Variants in ABCC11 observed in about 807,000 individuals in gnomAD.
ABCC11 encodes ATP-binding cassette sub-family C member 11.
Under a neutral mutation model 149.3 loss-of-function variants are expected in ABCC11, and 135 were observed. That is an observed-to-expected ratio of 0.90 (90% CI 0.79 to 1.04). ABCC11 has a LOEUF of 1.04. Ranked by LOEUF, ABCC11 falls within the 50% of genes least tolerant of loss-of-function variation. The probability of loss-of-function intolerance (pLI) is 0.00; values close to 1 mark genes in which losing one functional copy is unlikely to be tolerated. For synonymous variants in ABCC11, 665 were observed against 671.4 expected, an observed-to-expected ratio of 0.99 and a Z score of 0.15; for missense variants, 1,680 against 1,722.1, an observed-to-expected ratio of 0.98 and a Z score of 0.43.
intron 1 of ABCC11, among the ~76,000 whole-genome samples, chr16:48,233,555 C>T (rs1340810957): frequency 6.6e-6 from 1 of 152,186 alleles, no homozygotes; most frequent in Non-Finnish European, 1.5e-5. Context: ...GGAAGACTGG[C>T]TGCCATGAAC....
intron 1 of ABCC11, among the ~76,000 whole-genome samples, chr16:48,239,833 A>C (rs1970872688): frequency 6.6e-6 from 1 of 152,210 alleles, no homozygotes; most frequent in South Asian, 2.1e-4. Flanking sequence ...AACAAATTTA[A>C]AAACAAACAA....
At chr16:48,179,345 T>C (rs1347539461) in intron 23 of ABCC11, among the ~76,000 whole-genome samples, 1 of 152,150 alleles carries the variant, frequency 6.6e-6, no homozygotes, top group African/African-American at 2.4e-5. Flanking sequence ...CTCTTGGGAA[T>C]TGGGGGCACC....
At chr16:48,218,607 T>C (rs777307831) in intron 6 of ABCC11, among the ~76,000 whole-genome samples, 1 of 152,198 alleles carries the variant, frequency 6.6e-6, no homozygotes, top group Non-Finnish European at 1.5e-5. Context: ...CCCACCCAAA[T>C]CTCATCTTGA....
In ABCC11 at chr16:48,222,744, G is replaced by C. The variant is rs1331026179; in HGVS notation, c.631C>G (p.Leu211Val). Residue 211 changes from leucine to valine, a missense_variant, in exon 6 of 30, where the codon CTC (leucine) becomes GTC (valine). Transcript: ENST00000356608. ...HGVGLCFALF[L>V]SECVKSLSFS... Reference sequence around the variant, plus strand: ...CTCAGAGACTTCACACATTCGGAGAGAAAAAGGGCAAAGCAGAGTCCCACT... The same window carrying C: ...CTCAGAGACTTCACACATTCGGAGACAAAAAGGGCAAAGCAGAGTCCCACT... 1.2e-6 allele frequency: 2 copies of C among 1,614,082 alleles called. No individual in the cohort carries two copies. Among genetic ancestry groups the C allele is most frequent in the Non-Finnish European group, 1.7e-6 (2 of 1,180,034 alleles).
At chr16:48,187,112 G>A in intron 21 of ABCC11, 22 bp from the exon 22 acceptor site, 1 of 1,614,120 alleles carries the variant, frequency 6.2e-7, no homozygotes, top group Non-Finnish European at 8.5e-7. Flanking sequence ...GTGGAGGTAA[G>A]GGACCTGGAC....
At chr16:48,193,308 C>T (rs1001047343) in intron 19 of ABCC11, among the ~76,000 whole-genome samples, 1 of 152,162 alleles carries the variant, frequency 6.6e-6, no homozygotes, top group African/African-American at 2.4e-5. Flanking sequence ...GTACACGATC[C>T]AGAAATTAAC....
chr16:48,196,293 C>T lies in ABCC11; in HGVS notation c.2343G>A (p.Glu781=), dbSNP rs1241904178. 2 of 1,614,148 alleles carry T rather than the reference C, an allele frequency of 1.2e-6. No homozygotes were observed. Among genetic ancestry groups the T allele is most frequent in the South Asian group, 1.1e-5 (1 of 91,074 alleles). The change falls in exon 18 of 30, where the codon GAG becomes GAA. Residue 781 remains glutamate (E), a synonymous_variant. Coordinates refer to ENST00000356608, the MANE Select transcript of ABCC11 (RefSeq NM_001370497.1). ...AACTCAAGGAGCCTTCTTCCATCTCCTCCTCCTGTGTGAGCTGATGCTCCG... is the reference window on the plus strand; with the variant it reads ...AACTCAAGGAGCCTTCTTCCATCTCTTCCTCCTGTGTGAGCTGATGCTCCG... ...AVPEHQLTQE[E]EMEEGSLSWR...
intron 20 of ABCC11, 61 bp from the exon 21 acceptor site, chr16:48,187,488 T>C (rs1966818548): frequency 7.2e-7 from 1 of 1,396,426 alleles, no homozygotes; most frequent in South Asian, 1.2e-5. Flanking sequence ...CAAGATTGGA[T>C]GAAGATGCCT....
At chr16:48,177,361 G>A (rs1199447103) in intron 24 of ABCC11, among the ~76,000 whole-genome samples, 2 of 152,240 alleles carry the variant, frequency 1.3e-5, no homozygotes, top group African/African-American at 2.4e-5. Flanking sequence ...ATAGAGCAAT[G>A]TTCCTGATTT....
rs1965678458 is a variant in ABCC11 at position 48,170,936 on chromosome 16, C to G, written c.3730G>C (p.Asp1244His). ...FNLDPFDRHT[D>H]QQIWDALERT... Reference sequence around the variant, plus strand: ...TCCAAGGCATCCCAGATCTGCTGGTCAGTGTGACGGTCAAAGGGATCTAGG... The same window carrying G: ...TCCAAGGCATCCCAGATCTGCTGGTGAGTGTGACGGTCAAAGGGATCTAGG... Residue 1244 changes from aspartate (D) to histidine (H), a missense_variant, in exon 27 of 30, where the codon GAC (aspartate) becomes CAC (histidine). Transcript: ENST00000356608. The G allele has an allele frequency of 6.2e-7, 1 of 1,614,024 alleles. No homozygotes were observed. Among genetic ancestry groups the G allele is most frequent in the African/African-American group, 1.3e-5 (1 of 75,050 alleles).
chr16:48,178,020 G>T (rs1007081217), intron 24 of ABCC11, among the ~76,000 whole-genome samples: 6 of 152,156 alleles, frequency 3.9e-5, no homozygotes, highest in African/African-American at 1.2e-4. Flanking sequence ...CCACAGAAAG[G>T]TCTCAATCAC....
At chr16:48,191,407 C>A (rs1039936902) in intron 20 of ABCC11, among the ~76,000 whole-genome samples, 1 of 152,060 alleles carries the variant, frequency 6.6e-6, no homozygotes, top group African/African-American at 2.4e-5. Flanking sequence ...GGTGGTGTGC[C>A]CCTGTGGTCC....
intron 28 of ABCC11, among the ~76,000 whole-genome samples, chr16:48,168,682 A>G (rs1280929477): frequency 5.9e-5 from 9 of 152,176 alleles, no homozygotes; most frequent in Non-Finnish European, 1.3e-4. Flanking sequence ...GTTCCGCCAA[A>G]TTTTTAAAAA....
chr16:48,229,484 G>T, intron 3 of ABCC11, among the ~76,000 whole-genome samples: 1 of 126,304 alleles, frequency 7.9e-6, no homozygotes. Context: ...TTGAGACGGA[G>T]GCTCGCTCTG....
chr16:48,224,258 A>G (rs754280388), intron 5 of ABCC11, 24 bp downstream of exon 5: 5 of 1,612,500 alleles, frequency 3.1e-6, no homozygotes, highest in African/African-American at 2.7e-5. Flanking sequence ...GAGTCCCCCA[A>G]ACCTCACCAA....
In ABCC11 at chr16:48,214,962, G is replaced by C. The variant is rs1969219097; in HGVS notation, c.1167C>G (p.Thr389=). Residue 389 remains threonine, a synonymous_variant, in exon 9 of 30, where the codon ACC becomes ACG. Coordinates refer to ENST00000356608, the MANE Select transcript of ABCC11 (RefSeq NM_001370497.1). The part of the protein sequence containing the change: ...CGLVQSLTSI[T]LFIIPTVATA... The stretch of plus-strand genomic sequence containing the variant: ...TGGCCACTGTGGGGATGATGAACAA[G>C]GTTATACTTGTCAGGCTCTGGACAA... 1 of 1,614,034 alleles carries C rather than the reference G, an allele frequency of 6.2e-7. No homozygotes were observed. The highest frequency in any genetic ancestry group is 8.5e-7 in the Non-Finnish European group (1 of 1,180,040).
rs2150766348 is a variant in ABCC11 at position 48,186,867 on chromosome 16, A to T, written c.3071+86T>A. The T allele has an allele frequency of 2.0e-6, 3 of 1,507,150 alleles. No individual in the cohort carries two copies. In the South Asian group the frequency reaches 3.7e-5, roughly 19 times the overall value. 93.4% of individuals were successfully genotyped at this position (1,507,150 alleles called of 1,614,324 possible). ...GTGCTCTCTGATGCTTTTGAAGATG[A>T]TGCCACTCCCAGACGCTCCATTCTT... On this transcript the variant is annotated intron_variant, in intron 22 of 29. Transcript: ENST00000356608.
chr16:48,246,460 T>G (rs974579914), intron 1 of ABCC11, among the ~76,000 whole-genome samples: 3 of 152,240 alleles, frequency 2.0e-5, no homozygotes, highest in Non-Finnish European at 4.4e-5. Flanking sequence ...TGCATATGTA[T>G]TGATTAGCCA....
intron 12 of ABCC11, among the ~76,000 whole-genome samples, chr16:48,207,841 C>T (rs1192215771): frequency 1.3e-5 from 2 of 148,990 alleles, no homozygotes; most frequent in Non-Finnish European, 3.0e-5. Flanking sequence ...GGCAAGGGCA[C>T]CCAGCAGGCA....
Sources: gnomAD v4.1 joint callset for allele counts (sites outside exome capture counted in the v4.1 genomes callset) on GRCh38, gnomAD v4.1.1 for gene constraint, MANE v1.5 for transcripts, NCBI Gene and HGNC (gene_info 2026-07-23, HGNC 2026-07-21) for gene names.